The following LRP1B variants were observed in gnomAD, a reference collection of about 807,000 sequenced individuals.
LRP1B encodes the protein LDL receptor related protein 1B, also known as low-density lipoprotein receptor-related protein 1B.
In LRP1B, 217 loss-of-function variants were observed where a neutral mutation model predicts 556.6. The observed-to-expected ratio is 0.39, with a 90% CI of 0.35 to 0.44. LRP1B has a LOEUF of 0.44. Among genes scored for constraint, LRP1B ranks in the 20% least tolerant of loss-of-function variants. The pLI is 1.00. For synonymous variants in LRP1B, 2,047 were observed against 1,865.8 expected, an observed-to-expected ratio of 1.10 and a Z score of -2.50; for missense variants, 5,053 against 5,620.8, an observed-to-expected ratio of 0.90 and a Z score of 3.23.
intron 2 of LRP1B, among the ~76,000 whole-genome samples, chr2:141,517,022 A>AAAAC (rs1553526060): frequency 9.4e-6 from 1 of 106,838 alleles, no homozygotes; most frequent in African/African-American, 4.0e-5. Flanking sequence ...AAAAAAAAAA[A>AAAAC]AAAAAAAAAA....
intron 43 of LRP1B, among the ~76,000 whole-genome samples, chr2:140,588,566 G>C (rs575611545): frequency 5.4e-4 from 82 of 152,348 alleles, no homozygotes; most frequent in African/African-American, 1.9e-3. Flanking sequence ...TATTGACAGA[G>C]TGGCAAACTC....
chr2:140,726,450 C>T (rs1687596953), intron 35 of LRP1B, among the ~76,000 whole-genome samples: 2 of 152,186 alleles, frequency 1.3e-5, no homozygotes, highest in South Asian at 4.1e-4. Context: ...GGCAGCTCAT[C>T]CAGAGATTAC....
At chr2:140,504,152 T>A (rs1039354298) in intron 53 of LRP1B, among the ~76,000 whole-genome samples, 4 of 152,128 alleles carry the variant, frequency 2.6e-5, no homozygotes, top group Non-Finnish European at 2.9e-5. Context: ...GCAGTTCATC[T>A]CTGATCAATC....
At chr2:140,922,325 C>T (rs73964747) in intron 21 of LRP1B, among the ~76,000 whole-genome samples, 8,613 of 150,420 alleles carry the variant, frequency 0.057, 254 homozygotes, top group East Asian at 0.11. Flanking sequence ...CGCACACACA[C>T]GAAACCAAAA....
At chr2:141,293,340 C>T (rs1056467428) in intron 3 of LRP1B, among the ~76,000 whole-genome samples, 2 of 152,156 alleles carry the variant, frequency 1.3e-5, no homozygotes, top group Admixed American at 1.3e-4. Flanking sequence ...TTTTGTTTTC[C>T]TGGTCCTACC....
chr2:141,247,304 T>C lies in LRP1B; in HGVS notation c.514A>G (p.Thr172Ala), dbSNP rs2105327514. Residue 172 changes from threonine to alanine, a missense_variant, in exon 5 of 91, where the codon ACA (threonine) becomes GCA (alanine). Physicochemically the swap from Thr to Ala is moderately conservative, Grantham distance 58. Transcript: ENST00000389484. ...YGTCSQTCRN[T>A]HGSYTCSCVE... is the part of the protein sequence containing the mutation. ...CAACTGCAAGTGTAGGATCCATGTG[T>C]GTTTCTGCAGGTCTGGCTGCATGTA... 6.2e-7 allele frequency: 1 copy of C among 1,613,824 alleles called. No individual in the cohort carries two copies.
chr2:141,281,153 C>T (rs1685495343), intron 3 of LRP1B, among the ~76,000 whole-genome samples: 1 of 151,976 alleles, frequency 6.6e-6, no homozygotes, highest in Admixed American at 6.6e-5. Flanking sequence ...TTATTTTCCT[C>T]CACATAAAAC....
chr2:141,688,409 A>G (rs781284785), intron 2 of LRP1B, among the ~76,000 whole-genome samples: 87 of 152,014 alleles, frequency 5.7e-4, no homozygotes, highest in Middle Eastern at 3.4e-3. Flanking sequence ...ATTTATTCAT[A>G]CTAATTATTA....
intron 2 of LRP1B, among the ~76,000 whole-genome samples, chr2:141,796,979 A>T (rs1250697014): frequency 6.6e-6 from 1 of 151,324 alleles, no homozygotes; most frequent in African/African-American, 2.4e-5. Flanking sequence ...TAAAAGGTAG[A>T]CTGTCCGTGT....
At chr2:141,656,548 G>C (rs1690016599) in intron 2 of LRP1B, among the ~76,000 whole-genome samples, 1 of 152,084 alleles carries the variant, frequency 6.6e-6, no homozygotes, top group Non-Finnish European at 1.5e-5. Context: ...ACCTGGTATT[G>C]ATTTAAACGT....
At chr2:142,032,238 C>T (rs1703735838) in intron 1 of LRP1B, among the ~76,000 whole-genome samples, 1 of 151,822 alleles carries the variant, frequency 6.6e-6, no homozygotes, top group African/African-American at 2.4e-5. Context: ...TCTATAGCTT[C>T]ACCTGTTTTT....
chr2:141,873,538 T>C (rs1189034924), intron 1 of LRP1B, among the ~76,000 whole-genome samples: 1 of 152,008 alleles, frequency 6.6e-6, no homozygotes, highest in Non-Finnish European at 1.5e-5. Flanking sequence ...GCTATTAGTA[T>C]GACTTCATAA....
At chr2:140,575,149 A>T (rs1288796016) in intron 43 of LRP1B, among the ~76,000 whole-genome samples, 1 of 152,144 alleles carries the variant, frequency 6.6e-6, no homozygotes, top group East Asian at 1.9e-4. Flanking sequence ...GTCCTGAACT[A>T]AGTGTATAGA....
chr2:141,556,721 T>C (rs1685971654), intron 2 of LRP1B, among the ~76,000 whole-genome samples: 1 of 151,904 alleles, frequency 6.6e-6, no homozygotes, highest in Non-Finnish European at 1.5e-5. Context: ...GGATCAGTTT[T>C]CAGTTCTGTA....
intron 49 of LRP1B, among the ~76,000 whole-genome samples, chr2:140,524,037 G>A (rs982918163): frequency 4.0e-5 from 6 of 151,490 alleles, no homozygotes; most frequent in African/African-American, 1.5e-4. Flanking sequence ...AGAGTAAACA[G>A]GTACCCTGGG....
At chr2:141,910,246 T>C (rs1010701600) in intron 1 of LRP1B, among the ~76,000 whole-genome samples, 4 of 152,076 alleles carry the variant, frequency 2.6e-5, no homozygotes. Context: ...TAAATTTCTT[T>C]TCTAGCCAGC....
chr2:141,404,361 T>C (rs1054770254), intron 3 of LRP1B, among the ~76,000 whole-genome samples: 7 of 152,174 alleles, frequency 4.6e-5, no homozygotes, highest in Non-Finnish European at 7.4e-5. Flanking sequence ...CTTCAAGGTA[T>C]TTTACAGAAG....
At chr2:141,786,962 A>C (rs952731008) in intron 2 of LRP1B, among the ~76,000 whole-genome samples, 1 of 151,930 alleles carries the variant, frequency 6.6e-6, no homozygotes, top group Non-Finnish European at 1.5e-5. Context: ...TTTAATATTG[A>C]AACAATCCAA....
intron 2 of LRP1B, among the ~76,000 whole-genome samples, chr2:141,762,529 T>TTA (rs916001771): frequency 2.0e-5 from 3 of 151,826 alleles, no homozygotes; most frequent in African/African-American, 4.8e-5. Context: ...TATATGGAGG[T>TTA]TATATATATA....
Sources: gnomAD v4.1 joint callset for allele counts (sites outside exome capture counted in the v4.1 genomes callset) on GRCh38, gnomAD v4.1.1 for gene constraint, MANE v1.5 for transcripts, NCBI Gene and HGNC (gene_info 2026-07-23, HGNC 2026-07-21) for gene names.